HSD17B3: variants seen among roughly 807,000 people sequenced by gnomAD.
HSD17B3 encodes 17-beta-hydroxysteroid dehydrogenase type 3.
Under a neutral mutation model 41.1 loss-of-function variants are expected in HSD17B3, and 29 were observed. That is an observed-to-expected ratio of 0.71 (90% CI 0.53 to 0.96). HSD17B3 has a LOEUF of 0.96. Among genes scored for constraint, HSD17B3 ranks in the 40% least tolerant of loss-of-function variants. The pLI is 0.00. For missense variants in HSD17B3, 323 were observed against 374.6 expected (o/e 0.86, Z 1.14); for synonymous variants, 126 against 145.6 (o/e 0.87, Z 0.97).
intron 10 of HSD17B3, among the ~76,000 whole-genome samples, chr9:96,238,978 T>C (rs1187582908): frequency 6.6e-6 from 1 of 152,204 alleles, no homozygotes; most frequent in Non-Finnish European, 1.5e-5. Flanking sequence ...GATGTAGAGA[T>C]AGCAGCCAGA....
intron 2 of HSD17B3, among the ~76,000 whole-genome samples, chr9:96,259,213 A>G (rs1299995016): frequency 6.6e-6 from 1 of 151,940 alleles, no homozygotes; most frequent in African/African-American, 2.4e-5. Flanking sequence ...ACCAGCTGCA[A>G]CTCCACCCTA....
At chr9:96,292,438 C>T (rs544431794) in intron 2 of HSD17B3, among the ~76,000 whole-genome samples, 2 of 152,290 alleles carry the variant, frequency 1.3e-5, no homozygotes, top group South Asian at 4.2e-4. Context: ...ACAATCTTTG[C>T]CTCCTGGATT....
rs62557538 is a variant in HSD17B3, at chr9:96,241,409, G to T, written c.673-502C>A. 2.0e-3 allele frequency among the ~76,000 whole-genome samples: 306 copies of T among 152,304 alleles called. 1 individual carries two copies. The highest frequency in any genetic ancestry group is 3.4e-3 in the Middle Eastern group (1 of 294). The stretch of plus-strand genomic sequence containing the variant: ...TTTGTTTCTAATACATATAACCAAA[G>T]TTGGAGCAACTGAAAGCACTCTGGA... On this transcript the variant is annotated intron_variant, in intron 9 of 10. Transcript: ENST00000375263.
intron 2 of HSD17B3, among the ~76,000 whole-genome samples, chr9:96,263,046 A>G (rs139964080): frequency 5.1e-4 from 78 of 152,326 alleles, no homozygotes; most frequent in African/African-American, 1.8e-3. Flanking sequence ...GATGGGCAAT[A>G]CTGTAGTAAC....
At chr9:96,252,151 T>C (rs1037705131) in intron 4 of HSD17B3, among the ~76,000 whole-genome samples, 1 of 152,230 alleles carries the variant, frequency 6.6e-6, no homozygotes, top group African/African-American at 2.4e-5. Context: ...CAATGTTTGT[T>C]TGCTAAACTA....
chr9:96,251,387 G>C (rs1380900762), intron 5 of HSD17B3, 31 bp downstream of exon 5: 1 of 1,593,644 alleles, frequency 6.3e-7, no homozygotes. Context: ...CTGGATAAGA[G>C]GAATCTATAC....
At chr9:96,237,446 A>G (rs899116509) in intron 10 of HSD17B3, among the ~76,000 whole-genome samples, 21 of 152,176 alleles carry the variant, frequency 1.4e-4, no homozygotes, top group African/African-American at 5.1e-4. Context: ...TCTAAGTCCT[A>G]TCTCACAAGA....
chr9:96,245,367 TAG>T lies in HSD17B3; in HGVS notation c.582_583del (p.Tyr195LeufsTer22). On this transcript the variant is annotated frameshift_variant, in exon 8 of 11. Coordinates refer to ENST00000375263, the MANE Select transcript of HSD17B3 (RefSeq NM_000197.2). LOFTEE classifies it high-confidence loss of function. ...CACCTTGGAAGCTGAGTACATGGAG[TAG>T]AGAGGCCAAGGAAACAGGGCTATCC... The T allele has an allele frequency of 6.2e-7, 1 of 1,613,242 alleles. No individual in the cohort carries two copies. The highest frequency in any genetic ancestry group is 8.5e-7 in the Non-Finnish European group (1 of 1,179,510).
chr9:96,289,902 C>A (rs1483768871), intron 2 of HSD17B3, among the ~76,000 whole-genome samples: 1 of 152,162 alleles, frequency 6.6e-6, no homozygotes, highest in African/African-American at 2.4e-5. Flanking sequence ...TGATGCAGAA[C>A]GGCTGCCGTG....
rs8190500 is a variant in HSD17B3 at position 96,298,770 on chromosome 9, G to A, written c.155-308C>T. On this transcript the variant is annotated intron_variant, in intron 1 of 10. Coordinates refer to ENST00000375263, the MANE Select transcript of HSD17B3 (RefSeq NM_000197.2). ...CAAAATGAAACAGATCCGCAGCCAG[G>A]GAACATTTCCTGCAGGCCCCATGAG... is the stretch of plus-strand genomic sequence containing the variant. Among the ~76,000 whole-genome samples, 2,339 of 152,196 alleles carry A rather than the reference G, an allele frequency of 0.015. 192 individuals carry two copies. In the East Asian group the frequency reaches 0.25, roughly 16 times the overall value.
At chr9:96,299,639 T>C (rs1418911208) in intron 1 of HSD17B3, among the ~76,000 whole-genome samples, 2 of 152,182 alleles carry the variant, frequency 1.3e-5, no homozygotes, top group Admixed American at 6.5e-5. Flanking sequence ...TATCCTTAGT[T>C]TATAAATGAG....
At chr9:96,251,190 G>A in intron 5 of HSD17B3, 1 of 588,594 alleles carries the variant, frequency 1.7e-6, no homozygotes, top group South Asian at 2.1e-5. Context: ...GTTTTGATGT[G>A]CAGAGAAGGA....
chr9:96,251,348 A>G (rs1385611269), intron 5 of HSD17B3, 70 bp downstream of exon 5: 5 of 1,329,410 alleles, frequency 3.8e-6, no homozygotes, highest in Non-Finnish European at 5.4e-6. Context: ...CCCAGGCCTG[A>G]CTCATTACCC....
intron 4 of HSD17B3, among the ~76,000 whole-genome samples, 184 bp downstream of exon 4, chr9:96,252,619 T>A (rs1021563421): frequency 4.6e-5 from 7 of 151,704 alleles, no homozygotes; most frequent in African/African-American, 1.7e-4. Context: ...AACCAATATA[T>A]AAATTTTTTT....
intron 2 of HSD17B3, among the ~76,000 whole-genome samples, chr9:96,282,914 T>C (rs1341078639): frequency 6.6e-6 from 1 of 151,924 alleles, no homozygotes; most frequent in Non-Finnish European, 1.5e-5. Context: ...TGTAAACATA[T>C]TGGCTAAAAT....
intron 2 of HSD17B3, among the ~76,000 whole-genome samples, chr9:96,266,736 C>T (rs971874040): frequency 1.6e-4 from 25 of 152,138 alleles, no homozygotes; most frequent in Admixed American, 2.0e-4. Flanking sequence ...ACTCAGGAGG[C>T]TTGGGTCAGA....
chr9:96,293,553 T>A (rs1051829882), intron 2 of HSD17B3, among the ~76,000 whole-genome samples: 1 of 141,656 alleles, frequency 7.1e-6, no homozygotes, highest in East Asian at 1.9e-4. Flanking sequence ...TCTCCCACTC[T>A]TCTCTCTCTG....
intron 8 of HSD17B3, among the ~76,000 whole-genome samples, chr9:96,244,885 C>G (rs2147252): frequency 0.46 from 69,653 of 151,926 alleles, 17,011 homozygotes; most frequent in East Asian, 0.58. Context: ...CTTCATCCCC[C>G]GGTCTGGGAA....
chr9:96,294,248 T>C (rs1827265790), intron 2 of HSD17B3, among the ~76,000 whole-genome samples: 3 of 116,546 alleles, frequency 2.6e-5, no homozygotes, highest in Admixed American at 8.3e-5. Flanking sequence ...ACCTCATCTC[T>C]ACAAAAAAAA....
Sources: gnomAD v4.1 joint callset for allele counts (sites outside exome capture counted in the v4.1 genomes callset) on GRCh38, gnomAD v4.1.1 for gene constraint, MANE v1.5 for transcripts, NCBI Gene and HGNC (gene_info 2026-07-23, HGNC 2026-07-21) for gene names.